The following DYNC1I2 variants were observed in gnomAD, a reference collection of about 807,000 sequenced individuals.
DYNC1I2 encodes cytoplasmic dynein 1 intermediate chain 2.
DYNC1I2 carries 53 observed loss-of-function variants against 88.6 expected under a neutral mutation model. The ratio of observed to expected loss-of-function variants is 0.60; its 90% CI spans 0.48 to 0.75. DYNC1I2 has a LOEUF of 0.75. Ranked by LOEUF, DYNC1I2 falls within the 30% of genes least tolerant of loss-of-function variation. The pLI is 0.00. For missense variants in DYNC1I2, 458 were observed against 766.6 expected (o/e 0.60, Z 4.75); for synonymous variants, 198 against 254.6 (o/e 0.78, Z 2.12).
At chr2:171,737,523 T>C (rs541379241) in intron 15 of DYNC1I2, among the ~76,000 whole-genome samples, 5 of 152,268 alleles carry the variant, frequency 3.3e-5, no homozygotes, top group African/African-American at 9.6e-5. Flanking sequence ...GTTCAAGCGA[T>C]TATCATGCCC....
intron 3 of DYNC1I2, among the ~76,000 whole-genome samples, chr2:171,695,521 C>T (rs888083971): frequency 3.3e-5 from 5 of 152,016 alleles, no homozygotes; most frequent in African/African-American, 9.7e-5. Flanking sequence ...TTTGTTTATT[C>T]CATGTTGCTA....
At chr2:171,734,998 T>C (rs1395048300) in intron 15 of DYNC1I2, among the ~76,000 whole-genome samples, 1 of 152,246 alleles carries the variant, frequency 6.6e-6, no homozygotes, top group East Asian at 1.9e-4. Context: ...TAACAGACTT[T>C]AAATGTTTTG....
chr2:171,690,198 A>C lies in DYNC1I2; in HGVS notation c.43A>C (p.Lys15Gln). 1 of 1,555,286 alleles carries C rather than the reference A, an allele frequency of 6.4e-7. No homozygotes were observed. Among genetic ancestry groups the C allele is most frequent in the Non-Finnish European group, 8.7e-7 (1 of 1,149,634 alleles). The change falls in exon 2 of 18, where the codon AAG becomes CAG. Residue 15 changes from lysine to glutamine, a missense_variant. Transcript: ENST00000397119. ...ATTAAAGGCTGAGTTGGAACGTAAG[A>C]AGCAGCGACTGGCCCAAATCAGAGA... is the stretch of plus-strand genomic sequence containing the variant. ...SELKAELERK[K>Q]QRLAQIREEK... is the part of the protein sequence containing the mutation.
At chr2:171,710,115 GTA>G (rs745850270) in intron 5 of DYNC1I2, among the ~76,000 whole-genome samples, 3,100 of 101,358 alleles carry the variant, frequency 0.031, 30 homozygotes, top group Middle Eastern at 0.069. Flanking sequence ...TCATTTTTAT[GTA>G]TATATACACA....
At chr2:171,705,026 T>C (rs1378783733) in intron 3 of DYNC1I2, among the ~76,000 whole-genome samples, 1 of 152,128 alleles carries the variant, frequency 6.6e-6, no homozygotes, top group Non-Finnish European at 1.5e-5. Flanking sequence ...GGCTTGAACC[T>C]ATATTTGGGA....
intron 14 of DYNC1I2, 64 bp downstream of exon 14, chr2:171,728,914 G>A: frequency 3.3e-6 from 5 of 1,492,824 alleles, no homozygotes; most frequent in Non-Finnish European, 4.5e-6. Flanking sequence ...GAAACAAATT[G>A]TCTTATTTAA....
intron 3 of DYNC1I2, among the ~76,000 whole-genome samples, chr2:171,696,423 AC>A (rs1685771214): frequency 6.6e-6 from 1 of 152,166 alleles, no homozygotes; most frequent in Non-Finnish European, 1.5e-5. Flanking sequence ...ATAATCTGTC[AC>A]CTTTGGTCCC....
At position 171,694,837 on chromosome 2, in the gene DYNC1I2, TAAAC is replaced by T. The variant is rs529388480; in HGVS notation, c.226+1947_226+1950del. On this transcript the variant is annotated intron_variant, in intron 3 of 17. Transcript: ENST00000397119. ...GGTGGGGGGAGGTGCCACACAGTTT[TAAAC>T]AAAACCGTGAGGGATCCGCCTCCAT... is the stretch of plus-strand genomic sequence containing the variant. 1.5e-3 allele frequency among the ~76,000 whole-genome samples: 233 copies of T among 152,206 alleles called. 2 individuals carry two copies. The highest frequency in any genetic ancestry group is 5.2e-3 in the African/African-American group (216 of 41,544).
intron 7 of DYNC1I2, among the ~76,000 whole-genome samples, chr2:171,718,481 T>C (rs1339947141): frequency 6.6e-6 from 1 of 152,042 alleles, no homozygotes; most frequent in Non-Finnish European, 1.5e-5. Flanking sequence ...TGGCCCAGGC[T>C]GGAGTGCAGT....
At chr2:171,702,068 A>G (rs549189618) in intron 3 of DYNC1I2, among the ~76,000 whole-genome samples, 7 of 152,236 alleles carry the variant, frequency 4.6e-5, no homozygotes, top group East Asian at 1.9e-4. Flanking sequence ...GAAATTTTCA[A>G]TAATGTGTAG....
intron 3 of DYNC1I2, among the ~76,000 whole-genome samples, chr2:171,699,105 G>C (rs1234150031): frequency 6.6e-6 from 1 of 152,112 alleles, no homozygotes; most frequent in African/African-American, 2.4e-5. Flanking sequence ...TCAGGAGTTC[G>C]AGACCAGCCT....
intron 6 of DYNC1I2, 59 bp downstream of exon 6, chr2:171,712,885 T>C: frequency 1.4e-6 from 2 of 1,427,718 alleles, no homozygotes; most frequent in Non-Finnish European, 9.9e-7. Context: ...TTTGTGAAAC[T>C]GTCCTAATTT....
At position 171,726,799 on chromosome 2, in the gene DYNC1I2, G is replaced by A; in HGVS notation, c.879G>A (p.Glu293=). 6.2e-7 allele frequency: 1 copy of A among 1,612,920 alleles called. No individual in the cohort carries two copies. Among genetic ancestry groups the A allele is most frequent in the Non-Finnish European group, 8.5e-7 (1 of 1,179,238 alleles). ...SCLDWSSQYP[E]LLVASYNNNE... ...TTGATTCTTCTGAGCAGTATCCGGA[G>A]TTACTCGTGGCTTCCTATAACAACA... Residue 293 remains glutamate (E), a synonymous_variant, in exon 11 of 18, where the codon GAG becomes GAA. Transcript: ENST00000397119.
At chr2:171,689,578 G>A (rs962820959) in intron 1 of DYNC1I2, among the ~76,000 whole-genome samples, 2 of 152,130 alleles carry the variant, frequency 1.3e-5, no homozygotes, top group African/African-American at 4.8e-5. Context: ...GAGACATTGT[G>A]TTCAGTTTGT....
At position 171,705,145 on chromosome 2, in the gene DYNC1I2, C is replaced by G. The variant is rs778341264; in HGVS notation, c.227-1402C>G. On this transcript the variant is annotated intron_variant, in intron 3 of 17. Coordinates refer to ENST00000397119, the MANE Select transcript of DYNC1I2 (RefSeq NM_001378.3). ...ACTGTGATAATATGGTAGCATCACC[C>G]TTTTATTTTTTATTTCTGAAACTTT... 2.0e-5 allele frequency among the ~76,000 whole-genome samples: 3 copies of G among 151,986 alleles called. No individual in the cohort carries two copies. The South Asian group carries it at 6.2e-4, about 31-fold the overall frequency.
At chr2:171,725,035 A>G (rs1688144577) in intron 7 of DYNC1I2, among the ~76,000 whole-genome samples, 1 of 152,194 alleles carries the variant, frequency 6.6e-6, no homozygotes, top group South Asian at 2.1e-4. Context: ...AGAATAGAAA[A>G]TGTGGTCTTA....
At chr2:171,719,617 TA>T (rs1464662817) in intron 7 of DYNC1I2, among the ~76,000 whole-genome samples, 1 of 152,242 alleles carries the variant, frequency 6.6e-6, no homozygotes, top group East Asian at 1.9e-4. Flanking sequence ...ATCCGTGACT[TA>T]CCAAATTGAA....
intron 15 of DYNC1I2, among the ~76,000 whole-genome samples, chr2:171,739,057 A>G (rs1298688936): frequency 6.7e-6 from 1 of 149,806 alleles, no homozygotes; most frequent in Non-Finnish European, 1.5e-5. Flanking sequence ...CAGAGGTTGC[A>G]GTGAGCCAAG....
At chr2:171,739,180 T>C (rs72880284) in intron 15 of DYNC1I2, among the ~76,000 whole-genome samples, 6,214 of 151,870 alleles carry the variant, frequency 0.041, 184 homozygotes, top group Middle Eastern at 0.065. Context: ...GAGTGACAGA[T>C]AGTGATTGTA....
Sources: allele counts gnomAD v4.1 joint callset (sites outside exome capture counted in the v4.1 genomes callset), GRCh38; gene constraint gnomAD v4.1.1; transcripts MANE v1.5; gene names NCBI Gene and HGNC (gene_info 2026-07-23, HGNC 2026-07-21).